Variants in NAV3 observed in about 807,000 individuals in gnomAD.
The protein encoded by NAV3 is pore membrane and/or filament interacting like protein 1.
A neutral mutation model predicts 244.7 loss-of-function variants in NAV3; 87 were observed. That is an observed-to-expected ratio of 0.36 (90% CI 0.30 to 0.42). The LOEUF (loss-of-function observed/expected upper bound fraction) is 0.42. Among genes scored for constraint, NAV3 ranks in the 20% least tolerant of loss-of-function variants. NAV3 has a pLI of 1.00. For missense variants in NAV3, 2,663 were observed against 2,893.3 expected, an observed-to-expected ratio of 0.92 and a Z score of 1.83; for synonymous variants, 1,126 against 1,042.2, an observed-to-expected ratio of 1.08 and a Z score of -1.55.
At chr12:78,016,109 C>T (rs558268139) in intron 8 of NAV3, among the ~76,000 whole-genome samples, 1 of 152,112 alleles carries the variant, frequency 6.6e-6, no homozygotes, top group Admixed American at 6.6e-5. Flanking sequence ...TCATCTTGCA[C>T]ATTCCCTAAC....
chr12:77,669,654 A>C (rs1169837734), intron 2 of NAV3, among the ~76,000 whole-genome samples: 1 of 152,190 alleles, frequency 6.6e-6, no homozygotes, highest in Non-Finnish European at 1.5e-5. Flanking sequence ...AAAATATCAC[A>C]ATCCTAAATA....
intron 17 of NAV3, among the ~76,000 whole-genome samples, chr12:78,128,094 A>C (rs1955998722): frequency 6.6e-6 from 1 of 151,966 alleles, no homozygotes; most frequent in Non-Finnish European, 1.5e-5. Flanking sequence ...GTCTTTCTCC[A>C]TTATTTTTTT....
chr12:77,774,351 T>C (rs1314789210), intron 2 of NAV3, among the ~76,000 whole-genome samples: 7 of 152,160 alleles, frequency 4.6e-5, no homozygotes, highest in Admixed American at 2.0e-4. Context: ...CACAAGTTGA[T>C]GCTGATCATA....
chr12:78,165,443 G>C (rs1258096174), intron 23 of NAV3, among the ~76,000 whole-genome samples: 1 of 151,524 alleles, frequency 6.6e-6, no homozygotes, highest in African/African-American at 2.4e-5. Context: ...TGATTAATGA[G>C]GATTCTCAAA....
intron 9 of NAV3, among the ~76,000 whole-genome samples, chr12:78,030,025 C>A (rs1406095491): frequency 2.6e-5 from 4 of 152,056 alleles, no homozygotes; most frequent in Admixed American, 2.6e-4. Flanking sequence ...TATAGAATTA[C>A]CTTCAGGCTA....
chr12:77,860,068 G>A (rs1001740455), intron 1 of NAV3, among the ~76,000 whole-genome samples: 1 of 151,830 alleles, frequency 6.6e-6, no homozygotes. Context: ...GATTTATTAA[G>A]TGGAAAAAGC....
intron 1 of NAV3, among the ~76,000 whole-genome samples, chr12:77,891,779 C>A (rs549929049): frequency 7.2e-5 from 11 of 152,298 alleles, no homozygotes; most frequent in African/African-American, 2.6e-4. Context: ...CAGTGTAATG[C>A]TTTTCTGTGT....
rs142931808 is a variant in NAV3 at position 77,938,018 on chromosome 12, G to A, written c.244-2301G>A. The stretch of plus-strand genomic sequence containing the variant: ...CTGAAGGTTAAGTAACTTGTCCAGG[G>A]TTCCACTGGTAGTAAGTGGTCTCAA... On this transcript the variant is annotated intron_variant, in intron 1 of 39. Transcript: ENST00000397909. 8.6e-3 allele frequency among the ~76,000 whole-genome samples: 1,314 copies of A among 152,152 alleles called. 14 individuals carry two copies. The highest frequency in any genetic ancestry group is 0.014 in the Non-Finnish European group (944 of 67,988).
At chr12:77,641,264 A>G (rs896881671) in intron 2 of NAV3, among the ~76,000 whole-genome samples, 2 of 151,938 alleles carry the variant, frequency 1.3e-5, no homozygotes, top group African/African-American at 4.8e-5. Flanking sequence ...GTCTTGTCCT[A>G]TGTTGGTGGG....
chr12:77,683,841 T>A (rs1167318972), intron 2 of NAV3, among the ~76,000 whole-genome samples: 2 of 152,176 alleles, frequency 1.3e-5, no homozygotes, highest in East Asian at 3.8e-4. Flanking sequence ...ATCCCCCTCC[T>A]GCTGATGGAC....
chr12:77,981,257 A>G (rs1278094798), intron 5 of NAV3, among the ~76,000 whole-genome samples: 1 of 152,150 alleles, frequency 6.6e-6, no homozygotes, highest in Non-Finnish European at 1.5e-5. Flanking sequence ...AGGACCACAT[A>G]TAGTTTTGAG....
chr12:77,852,993 C>T (rs966902637), intron 1 of NAV3, among the ~76,000 whole-genome samples: 1 of 152,124 alleles, frequency 6.6e-6, no homozygotes, highest in Non-Finnish European at 1.5e-5. Flanking sequence ...GGGTAGATCC[C>T]TAGGGGTGAA....
chr12:77,753,317 TC>T (rs1184533653), intron 2 of NAV3, among the ~76,000 whole-genome samples: 3 of 152,208 alleles, frequency 2.0e-5, no homozygotes, highest in East Asian at 1.9e-4. Context: ...GCATTTTTTT[TC>T]AATTGAAATT....
chr12:77,741,146 G>GAAAAAAAAAAAAAAAAAAAAAAA (rs1393220189), intron 2 of NAV3, among the ~76,000 whole-genome samples: 11 of 7,364 alleles, frequency 1.5e-3, no homozygotes, highest in East Asian at 0.01. Context: ...AAAAAAAAAA[G>GAAAAAAAAAAAAAAAAAAAAAAA]ACAAAAAAAA....
chr12:78,078,606 G>C (rs201804869), intron 12 of NAV3, among the ~76,000 whole-genome samples: 1 of 151,392 alleles, frequency 6.6e-6, no homozygotes, highest in South Asian at 2.1e-4. Context: ...CGTTTTAGCC[G>C]GGATGGTCTC....
intron 2 of NAV3, among the ~76,000 whole-genome samples, chr12:77,670,290 G>A (rs935774941): frequency 6.6e-5 from 10 of 152,084 alleles, no homozygotes; most frequent in Admixed American, 3.9e-4. Context: ...CACCAAGATT[G>A]AAATGGTAAT....
At chr12:78,080,929 C>G (rs1953314263) in intron 12 of NAV3, among the ~76,000 whole-genome samples, 1 of 152,194 alleles carries the variant, frequency 6.6e-6, no homozygotes, top group Non-Finnish European at 1.5e-5. Context: ...TAGGATAATT[C>G]AAAATCCTGT....
chr12:77,790,464 A>G (rs1039817602), intron 2 of NAV3, among the ~76,000 whole-genome samples: 2 of 152,126 alleles, frequency 1.3e-5, no homozygotes, highest in Non-Finnish European at 2.9e-5. Context: ...TTGTCATGAA[A>G]GAATTAGTTT....
intron 2 of NAV3, among the ~76,000 whole-genome samples, chr12:77,647,067 T>TATACAC (rs143085448): frequency 1.3e-5 from 2 of 149,676 alleles, no homozygotes; most frequent in African/African-American, 4.9e-5. Context: ...CATATATATA[T>TATACAC]ACACACACAC....
Sources: gnomAD v4.1 joint callset for allele counts (sites outside exome capture counted in the v4.1 genomes callset) on GRCh38, gnomAD v4.1.1 for gene constraint, MANE v1.5 for transcripts, NCBI Gene and HGNC (gene_info 2026-07-23, HGNC 2026-07-21) for gene names.